Variants in DOC2B observed in about 807,000 individuals in gnomAD.
The protein encoded by DOC2B is double C2-like domain-containing protein beta.
Under a neutral mutation model 28.9 loss-of-function variants are expected in DOC2B, and 21 were observed. The observed-to-expected ratio is 0.73, with a 90% CI of 0.52 to 1.05. The LOEUF (loss-of-function observed/expected upper bound fraction) is 1.05, where lower values mean the gene tolerates loss of function less well. Among genes scored for constraint, DOC2B ranks in the 50% least tolerant of loss-of-function variants. The pLI, the probability that DOC2B is intolerant of heterozygous loss-of-function variation, is 0.00. For synonymous variants in DOC2B, 194 were observed against 178.1 expected (o/e 1.09, Z -0.71); for missense variants, 384 against 421.1 (o/e 0.91, Z 0.77).
Position 162,440 on chromosome 17 carries a change from A to G in DOC2B, c.529-250T>C, listed in dbSNP as rs151171550. On this transcript the variant is annotated intron_variant, in intron 3 of 8. Transcript: ENST00000613549. The stretch of plus-strand genomic sequence containing the variant: ...AAGCAGAAGAATGGACAGAGAAGAC[A>G]GTCAGGGACGTCACCAAGGAAGGGG... 2.0e-3 allele frequency among the ~76,000 whole-genome samples: 303 copies of G among 152,314 alleles called. 1 individual carries two copies. Among genetic ancestry groups the G allele is most frequent in the Non-Finnish European group, 3.8e-3 (256 of 68,018 alleles).
At chr17:172,456 T>C in intron 2 of DOC2B, 81 bp downstream of exon 2, 2 of 1,097,034 alleles carry the variant, frequency 1.8e-6, no homozygotes, top group South Asian at 1.5e-5. Context: ...ACCTGGGGAG[T>C]GGTGTGGTCT....
intron 2 of DOC2B, among the ~76,000 whole-genome samples, chr17:170,005 C>T (rs1248427038): frequency 6.6e-6 from 1 of 152,182 alleles, no homozygotes; most frequent in African/African-American, 2.4e-5. Context: ...TACACACAAA[C>T]GCACCTGGAG....
chr17:177,937 A>C (rs2040389588), intron 1 of DOC2B, among the ~76,000 whole-genome samples: 1 of 152,264 alleles, frequency 6.6e-6, no homozygotes, highest in South Asian at 2.1e-4. Flanking sequence ...TGAACCACAC[A>C]GGGCAGGTTT....
intron 6 of DOC2B, among the ~76,000 whole-genome samples, chr17:155,223 C>G (rs1597818383): frequency 6.6e-6 from 1 of 152,212 alleles, no homozygotes; most frequent in South Asian, 2.1e-4. Flanking sequence ...AAACTCCTAG[C>G]CTCAAGCAAT....
intron 8 of DOC2B, among the ~76,000 whole-genome samples, chr17:147,806 C>T (rs1447214654): frequency 6.6e-6 from 1 of 152,204 alleles, no homozygotes; most frequent in Non-Finnish European, 1.5e-5. Context: ...GCAGAGGCAG[C>T]ATCAGGGGTC....
At chr17:149,304 T>A in intron 6 of DOC2B, 112 bp from the exon 7 acceptor site, 1 of 397,984 alleles carries the variant, frequency 2.5e-6, no homozygotes, top group East Asian at 3.6e-5. Context: ...TCCTGGGCCC[T>A]TCTTTTGTCC....
chr17:177,623 C>G (rs551999662), intron 1 of DOC2B, among the ~76,000 whole-genome samples: 10 of 152,362 alleles, frequency 6.6e-5, no homozygotes, highest in Admixed American at 1.3e-4. Flanking sequence ...GCTGTGGGGT[C>G]ACCTGTTTGT....
chr17:152,867 G>C (rs1555521937), intron 6 of DOC2B, among the ~76,000 whole-genome samples: 1 of 152,220 alleles, frequency 6.6e-6, no homozygotes, highest in African/African-American at 2.4e-5. Flanking sequence ...TCAACCGCTA[G>C]ATACGTCCCT....
rs1000464153 is a variant in DOC2B at position 180,958 on chromosome 17, G to T, written c.373+149C>A. 8.1e-6 allele frequency: 5 copies of T among 618,774 alleles called. No homozygotes were observed. In the Admixed American group the frequency reaches 1.8e-4, roughly 23 times the overall value. 38.3% of individuals were successfully genotyped at this position (618,774 alleles called of 1,614,324 possible). On this transcript the variant is annotated intron_variant, in intron 1 of 8. Coordinates refer to ENST00000613549, the MANE Select transcript of DOC2B (RefSeq NM_003585.5). Reference sequence around the variant, plus strand: ...AGGGCGCGGAGAGCGCACCGAGTGCGCCAGGGGCCCGCAAGCCCGCGGCGG... The same window carrying T: ...AGGGCGCGGAGAGCGCACCGAGTGCTCCAGGGGCCCGCAAGCCCGCGGCGG...
At chr17:160,921 G>A (rs1555523153) in intron 5 of DOC2B, among the ~76,000 whole-genome samples, 1 of 152,136 alleles carries the variant, frequency 6.6e-6, no homozygotes, top group African/African-American at 2.4e-5. Flanking sequence ...TGCGCGTCCT[G>A]TCCACCCGTG....
intron 6 of DOC2B, among the ~76,000 whole-genome samples, chr17:152,344 G>T (rs763454074): frequency 6.6e-6 from 1 of 152,134 alleles, no homozygotes; most frequent in African/African-American, 2.4e-5. Flanking sequence ...CGTGTAACTC[G>T]ACATGTCAGC....
intron 5 of DOC2B, among the ~76,000 whole-genome samples, chr17:158,027 G>A (rs1264686486): frequency 2.6e-5 from 4 of 152,152 alleles, no homozygotes; most frequent in Non-Finnish European, 5.9e-5. Flanking sequence ...GGAGAACCCC[G>A]AAGACAGAGT....
At position 181,471 on chromosome 17, in the gene DOC2B, G is replaced by A; in HGVS notation, c.9C>T (p.Leu3=). 15 of 1,109,132 alleles carry A rather than the reference G, an allele frequency of 1.4e-5. No individual in the cohort carries two copies. The highest frequency in any genetic ancestry group is 1.7e-5 in the Non-Finnish European group (15 of 901,176). The allele number at this position is 1,109,132 out of a possible 1,614,324, so 68.7% of individuals were successfully genotyped here. MT[L]RRRGEKATIS... is the part of the protein sequence containing the mutation. ...TGGTCGCCTTCTCCCCGCGCCGCCGGAGGGTCATGCAGGCAGCGCCGCCCC... is the reference window on the plus strand; with the variant it reads ...TGGTCGCCTTCTCCCCGCGCCGCCGAAGGGTCATGCAGGCAGCGCCGCCCC... Residue 3 remains leucine (L), a synonymous_variant, in exon 1 of 9, where the codon CTC becomes CTT. Transcript: ENST00000613549. The surrounding 1 kb of genome is among the most constrained non-coding windows in gnomAD (Gnocchi z 7.0).
At position 181,414 on chromosome 17, in the gene DOC2B, C is replaced by T. The variant is rs759362130; in HGVS notation, c.66G>A (p.Val22=). The change falls in exon 1 of 9, where the codon GTG becomes GTA. Residue 22 remains valine (V), a synonymous_variant. Transcript: ENST00000613549. This position sits in a 1 kb window ranked among gnomAD's most constrained non-coding sequence, Gnocchi z 7.0. ...ISIQEHMAID[V]CPGPIRPIKQ... ...TGATGGGACGGATGGGGCCGGGGCACACGTCGATGGCCATATGCTCCTGGA... is the reference window on the plus strand; with the variant it reads ...TGATGGGACGGATGGGGCCGGGGCATACGTCGATGGCCATATGCTCCTGGA... 3.7e-5 allele frequency: 44 copies of T among 1,187,848 alleles called. No individual in the cohort carries two copies. Among genetic ancestry groups the T allele is most frequent in the Middle Eastern group, 3.3e-4 (1 of 3,050 alleles). 73.6% of individuals were successfully genotyped at this position (1,187,848 alleles called of 1,614,324 possible).
chr17:163,928 G>A (rs562872131), intron 3 of DOC2B, among the ~76,000 whole-genome samples: 2 of 152,230 alleles, frequency 1.3e-5, no homozygotes, highest in Non-Finnish European at 2.9e-5. Context: ...AGGCAACAGG[G>A]TGTGGGGCAG....
intron 5 of DOC2B, among the ~76,000 whole-genome samples, chr17:158,862 T>G (rs773063202): frequency 1.3e-5 from 2 of 152,142 alleles, no homozygotes; most frequent in Non-Finnish European, 2.9e-5. Flanking sequence ...CTGGCCAACA[T>G]GGTGAAACCC....
chr17:174,858 C>T (rs1390468717), intron 1 of DOC2B, among the ~76,000 whole-genome samples: 2 of 152,202 alleles, frequency 1.3e-5, no homozygotes, highest in Non-Finnish European at 2.9e-5. Flanking sequence ...GGGGCTCATG[C>T]CTGTCATCCC....
At position 144,048 on chromosome 17, in the gene DOC2B, G is replaced by T. The variant is rs2040002076; in HGVS notation, c.*3393C>A. The T allele has an allele frequency of 4.6e-5, 7 of 151,816 alleles. No homozygotes were observed. The South Asian group carries it at 1.2e-3, about 27-fold the overall frequency. The allele number at this position is 151,816 out of a possible 1,614,324, so 9.4% of individuals were successfully genotyped here. A position where few individuals can be genotyped will look rare whatever the true frequency, so the allele number is the denominator to read the frequency against. On this transcript the variant is annotated 3_prime_UTR_variant, in exon 9 of 9. Coordinates refer to ENST00000613549, the MANE Select transcript of DOC2B (RefSeq NM_003585.5). ...GTGACCGCTTCGGGGCTGGAAGACGGGCCCGTCGGGGATTGGCGCAGGCGG... is the reference window on the plus strand; with the variant it reads ...GTGACCGCTTCGGGGCTGGAAGACGTGCCCGTCGGGGATTGGCGCAGGCGG...
chr17:163,158 G>T (rs141338307), intron 3 of DOC2B, among the ~76,000 whole-genome samples: 1 of 152,034 alleles, frequency 6.6e-6, no homozygotes, highest in Non-Finnish European at 1.5e-5. Context: ...CCTACAACTC[G>T]GCAGCCATGC....
Sources: allele counts gnomAD v4.1 joint callset (sites outside exome capture counted in the v4.1 genomes callset), GRCh38; gene constraint gnomAD v4.1.1; non-coding constraint Gnocchi (gnomAD v3.1); transcripts MANE v1.5; gene names NCBI Gene and HGNC (gene_info 2026-07-23, HGNC 2026-07-21).